The following ATP5PD variants were observed in gnomAD, a reference collection of about 807,000 sequenced individuals.
ATP5PD encodes ATP synthase peripheral stalk subunit d, also known as ATP synthase peripheral stalk subunit d, mitochondrial.
In ATP5PD, 13 loss-of-function variants were observed where a neutral mutation model predicts 22.6. The ratio of observed to expected loss-of-function variants is 0.58; its 90% CI spans 0.37 to 0.91. ATP5PD has a LOEUF of 0.91. ATP5PD is among the 40% of genes least tolerant of loss of function. The pLI is 0.00. For synonymous variants in ATP5PD, 51 were observed against 65.0 expected, an observed-to-expected ratio of 0.79 and a Z score of 1.03; for missense variants, 165 against 188.0, an observed-to-expected ratio of 0.88 and a Z score of 0.72.
intron 1 of ATP5PD, among the ~76,000 whole-genome samples, chr17:75,044,199 ATTTTTTTTTT>A (rs755560156): frequency 0.016 from 1,525 of 93,928 alleles, 282 homozygotes; most frequent in African/African-American, 0.054. Context: ...TAATTTTTGT[ATTTTTTTTTT>A]TTTTTTTGAG....
intron 1 of ATP5PD, among the ~76,000 whole-genome samples, chr17:75,042,891 A>G (rs1019506240): frequency 6.6e-6 from 1 of 151,926 alleles, no homozygotes; most frequent in Non-Finnish European, 1.5e-5. Flanking sequence ...AAAAAAAAAG[A>G]AAAAAAGACA....
chr17:75,045,152 A>G (rs1209254350), intron 1 of ATP5PD, among the ~76,000 whole-genome samples: 1 of 152,238 alleles, frequency 6.6e-6, no homozygotes, highest in East Asian at 1.9e-4. Flanking sequence ...CCCACAAGCC[A>G]CAAAAACCAG....
intron 4 of ATP5PD, chr17:75,039,752 ATATT>A (rs1231506976): frequency 2.6e-5 from 8 of 303,758 alleles, no homozygotes; most frequent in African/African-American, 1.5e-4. Context: ...TAAAATGCAC[ATATT>A]TAAAGAACAC....
At chr17:75,043,813 GC>G (rs1167635070) in intron 1 of ATP5PD, among the ~76,000 whole-genome samples, 1 of 152,050 alleles carries the variant, frequency 6.6e-6, no homozygotes, top group Non-Finnish European at 1.5e-5. Context: ...CACTCTCTAG[GC>G]TAAAATTTAC....
At position 75,040,107 on chromosome 17, in the gene ATP5PD, G is replaced by A. The variant is rs769443824; in HGVS notation, c.276C>T (p.Ala92=). The change falls in exon 4 of 6, where the codon GCC becomes GCT. Residue 92 remains alanine, a synonymous_variant. Coordinates refer to ENST00000301587, the MANE Select transcript of ATP5PD (RefSeq NM_006356.3). ...PEDKYTAQVD[A]EEKEDVKSCA... ...AACTACTTACATCTTCTTTTTCTTC[G>A]GCATCCACCTGGGCAGTATATTTAT... The A allele has an allele frequency of 7.4e-6, 12 of 1,612,526 alleles. No homozygotes were observed. The highest frequency in any genetic ancestry group is 4.5e-5 in the East Asian group (2 of 44,850).
chr17:75,045,208 A>T (rs1040961834), intron 1 of ATP5PD, among the ~76,000 whole-genome samples: 7 of 152,198 alleles, frequency 4.6e-5, no homozygotes, highest in Non-Finnish European at 1.0e-4. Context: ...GTATACGAAT[A>T]GGTGTGGGTG....
chr17:75,046,510 C>CGCTCT (rs1427111847), intron 1 of ATP5PD, among the ~76,000 whole-genome samples: 3 of 152,222 alleles, frequency 2.0e-5, no homozygotes, highest in African/African-American at 7.2e-5. Flanking sequence ...GAGCCCTGAA[C>CGCTCT]GCTCTATACG....
At chr17:75,046,207 C>G (rs562609514) in intron 1 of ATP5PD, among the ~76,000 whole-genome samples, 10 of 152,120 alleles carry the variant, frequency 6.6e-5, no homozygotes, top group Admixed American at 5.2e-4. Flanking sequence ...CTCAGCCTCC[C>G]GAGCAGCTGG....
intron 4 of ATP5PD, 131 bp from the exon 5 acceptor site, chr17:75,039,402 T>G (rs1057059234): frequency 9.2e-6 from 7 of 764,266 alleles, no homozygotes; most frequent in Non-Finnish European, 1.5e-5. Context: ...TTACCCTGAG[T>G]GGGGGCGCTC....
At chr17:75,046,757 G>A (rs919496024) in intron 1 of ATP5PD, among the ~76,000 whole-genome samples, 168 bp downstream of exon 1, 1 of 152,244 alleles carries the variant, frequency 6.6e-6, no homozygotes, top group Admixed American at 6.5e-5. Context: ...CTGAGGAAGG[G>A]ATCGCGGGGC....
At chr17:75,044,821 A>G (rs1199227499) in intron 1 of ATP5PD, among the ~76,000 whole-genome samples, 2 of 152,216 alleles carry the variant, frequency 1.3e-5, no homozygotes, top group Non-Finnish European at 2.9e-5. Flanking sequence ...AATGCAAGGG[A>G]GGCGGAAGCA....
chr17:75,045,544 CTT>C (rs2073206011), intron 1 of ATP5PD, among the ~76,000 whole-genome samples: 1 of 152,244 alleles, frequency 6.6e-6, no homozygotes, highest in South Asian at 2.1e-4. Flanking sequence ...TGCGCATTCT[CTT>C]TCTCAGGGAT....
intron 1 of ATP5PD, among the ~76,000 whole-genome samples, chr17:75,042,948 C>T (rs1336341939): frequency 3.9e-5 from 6 of 152,092 alleles, no homozygotes; most frequent in Admixed American, 3.9e-4. Flanking sequence ...CGGCCAGGCG[C>T]AGTGGGCTCA....
chr17:75,039,960 A>G, intron 4 of ATP5PD, 132 bp downstream of exon 4: 1 of 937,720 alleles, frequency 1.1e-6, no homozygotes, highest in Non-Finnish European at 1.7e-6. Context: ...ATGTTGTTGC[A>G]TTTATTGACA....
Position 75,039,249 on chromosome 17 carries a change from A to G in ATP5PD, c.314T>C (p.Val105Ala), listed in dbSNP as rs775257261. ...TACAATCCTGGCCTTTGAGAGAGACACCCACTCAGCACAAGATTTCACCTT... is the reference window on the plus strand; with the variant it reads ...TACAATCCTGGCCTTTGAGAGAGACGCCCACTCAGCACAAGATTTCACCTT... ...KEDVKSCAEW[V>A]SLSKARIVEY... The change falls in exon 5 of 6, where the codon GTG (valine) becomes GCG (alanine). Residue 105 changes from valine to alanine, a missense_variant. Transcript: ENST00000301587. 7 of 1,614,060 alleles carry G rather than the reference A, an allele frequency of 4.3e-6. No homozygotes were observed. Among genetic ancestry groups the G allele is most frequent in the African/African-American group, 4.0e-5 (3 of 74,916 alleles).
In ATP5PD at chr17:75,039,241, A is replaced by C; in HGVS notation, c.322T>G (p.Ser108Ala). ...TCATATTCTACAATCCTGGCCTTTG[A>C]GAGAGACACCCACTCAGCACAAGAT... The part of the protein sequence containing the change: ...VKSCAEWVSL[S>A]KARIVEYEKE... Residue 108 changes from serine to alanine, a missense_variant, in exon 5 of 6, where the codon TCA becomes GCA. Transcript: ENST00000301587. The C allele has an allele frequency of 6.2e-7, 1 of 1,614,208 alleles. No homozygotes were observed. The highest frequency in any genetic ancestry group is 8.5e-7 in the Non-Finnish European group (1 of 1,180,036).
chr17:75,046,775 G>A (rs2144920834), intron 1 of ATP5PD, 150 bp downstream of exon 1: 1 of 152,214 alleles, frequency 6.6e-6, no homozygotes, highest in South Asian at 2.1e-4. Context: ...GGCGAGGAGC[G>A]GCAGCTACAC....
intron 5 of ATP5PD, 36 bp from the exon 6 acceptor site, chr17:75,039,099 CAG>C: frequency 6.2e-7 from 1 of 1,612,844 alleles, no homozygotes; most frequent in Non-Finnish European, 8.5e-7. Flanking sequence ...TTAATGTAAA[CAG>C]AGACGGAAAG....
chr17:75,043,112 T>A (rs1005273689), intron 1 of ATP5PD, among the ~76,000 whole-genome samples: 1 of 149,484 alleles, frequency 6.7e-6, no homozygotes, highest in Admixed American at 6.7e-5. Context: ...TCCCAGCTAC[T>A]CCAGAGGCTG....
Sources: allele counts gnomAD v4.1 joint callset (sites outside exome capture counted in the v4.1 genomes callset), GRCh38; gene constraint gnomAD v4.1.1; transcripts MANE v1.5; gene names NCBI Gene and HGNC (gene_info 2026-07-23, HGNC 2026-07-21).